The following LLCFC1 variants were observed in gnomAD, a reference collection of about 807,000 sequenced individuals.
LLCFC1 encodes the protein sperm-oocyte fusion factor 1, also known as sperm-egg fusion protein LLCFC1.
LLCFC1 carries 14 observed loss-of-function variants against 9.8 expected under a neutral mutation model. The ratio of observed to expected loss-of-function variants is 1.43; its 90% CI spans 0.95 to 2.24. LLCFC1 has a LOEUF of 2.24. LLCFC1 is among the 30% of genes most tolerant of loss of function. The probability of loss-of-function intolerance (pLI) is 0.00; values close to 1 mark genes in which losing one functional copy is unlikely to be tolerated. For synonymous variants in LLCFC1, 70 were observed against 58.8 expected, an observed-to-expected ratio of 1.19 and a Z score of -0.87; for missense variants, 162 against 148.0, an observed-to-expected ratio of 1.09 and a Z score of -0.49.
Position 142,939,549 on chromosome 7 carries a change from G to A in LLCFC1, c.-73G>A. 1 of 1,552,202 alleles carries A rather than the reference G, an allele frequency of 6.4e-7. No individual in the cohort carries two copies. Among genetic ancestry groups the A allele is most frequent in the Middle Eastern group, 1.7e-4 (1 of 5,752 alleles). On this transcript the variant is annotated 5_prime_UTR_variant, in exon 1 of 2. An upstream start codon of the reference 5' UTR is lost. Transcript: ENST00000409607. ...AAGGGTTAAGGGCCAGGACAGGAAT[G>A]GGGCAGGAGGTGCACGGATCCTGCT...
Position 142,940,868 on chromosome 7 carries a change from A to C in LLCFC1, c.*281A>C. 1 of 581,980 alleles carries C rather than the reference A, an allele frequency of 1.7e-6. No homozygotes were observed. Among genetic ancestry groups the C allele is most frequent in the Non-Finnish European group, 3.1e-6 (1 of 327,694 alleles). The allele number at this position is 581,980 out of a possible 1,614,324, so 36.1% of individuals were successfully genotyped here. A position where few individuals can be genotyped will look rare whatever the true frequency, so the allele number is the denominator to read the frequency against. ...AAATAACGATAAAATCCTGAGAACA[A>C]TTGGGAGCAGCTTTCCGATACTTAA... On this transcript the variant is annotated 3_prime_UTR_variant, in exon 2 of 2. Coordinates refer to ENST00000409607, the MANE Select transcript of LLCFC1 (RefSeq NM_001382496.1).
chr7:142,940,079 CTA>C (rs2116629095), intron 1 of LLCFC1, among the ~76,000 whole-genome samples: 1 of 149,954 alleles, frequency 6.7e-6, no homozygotes, highest in African/African-American at 2.4e-5. Context: ...TGTTGAAACC[CTA>C]GAGGAGGCAG....
At position 142,939,515 on chromosome 7, in the gene LLCFC1, G is replaced by C; in HGVS notation, c.-107G>C. 1 of 1,519,134 alleles carries C rather than the reference G, an allele frequency of 6.6e-7. No homozygotes were observed. The highest frequency in any genetic ancestry group is 8.8e-7 in the Non-Finnish European group (1 of 1,133,854). The allele number at this position is 1,519,134 out of a possible 1,614,324, so 94.1% of individuals were successfully genotyped here. ...CCTATGGAAGGTGAGGGGAGAAAAT[G>C]CCCCTGGAAAGGGTTAAGGGCCAGG... is the stretch of plus-strand genomic sequence containing the variant. On this transcript the variant is annotated 5_prime_UTR_variant, in exon 1 of 2. It removes an upstream start codon present in the reference 5' UTR. Coordinates refer to ENST00000409607, the MANE Select transcript of LLCFC1 (RefSeq NM_001382496.1).
intron 1 of LLCFC1, among the ~76,000 whole-genome samples, chr7:142,940,106 G>GGTGTGTGT (rs782240164): frequency 1.6e-4 from 20 of 128,924 alleles, no homozygotes; most frequent in Non-Finnish European, 2.6e-4. Flanking sequence ...CCTTAGGAAT[G>GGTGTGTGT]GTGTGTGTGT....
intron 1 of LLCFC1, 57 bp from the exon 2 acceptor site, chr7:142,940,292 TCTC>T (rs1562954494): frequency 1.4e-6 from 2 of 1,392,506 alleles, no homozygotes. Flanking sequence ...TATTCTAACT[TCTC>T]CTTTCTGGTT....
rs199962592 is a variant in LLCFC1, at chr7:142,939,504, G to A, written c.-118G>A. ...AAGTCAGAGGTCCTATGGAAGGTGAGGGGAGAAAATGCCCCTGGAAAGGGT... is the reference window on the plus strand; with the variant it reads ...AAGTCAGAGGTCCTATGGAAGGTGAAGGGAGAAAATGCCCCTGGAAAGGGT... On this transcript the variant is annotated 5_prime_UTR_variant, in exon 1 of 2. Coordinates refer to ENST00000409607, the MANE Select transcript of LLCFC1 (RefSeq NM_001382496.1). 4.3e-5 allele frequency: 65 copies of A among 1,506,754 alleles called. No homozygotes were observed. Among genetic ancestry groups the A allele is most frequent in the Non-Finnish European group, 5.3e-5 (60 of 1,125,122 alleles). The allele number at this position is 1,506,754 out of a possible 1,614,324, so 93.3% of individuals were successfully genotyped here.
chr7:142,939,550 G>T lies in LLCFC1; in HGVS notation c.-72G>T. 6.4e-7 allele frequency: 1 copy of T among 1,558,730 alleles called. No individual in the cohort carries two copies. ...AGGGTTAAGGGCCAGGACAGGAATG[G>T]GGCAGGAGGTGCACGGATCCTGCTG... is the stretch of plus-strand genomic sequence containing the variant. On this transcript the variant is annotated 5_prime_UTR_variant, in exon 1 of 2. Coordinates refer to ENST00000409607, the MANE Select transcript of LLCFC1 (RefSeq NM_001382496.1).
Position 142,939,636 on chromosome 7 carries a change from C to A in LLCFC1, c.15C>A (p.Ala5=). The part of the protein sequence containing the change: MPPL[A]PQLCRAVFLV... ...TGGGCAGGTCCATGCCTCCCCTGGCCCCCCAGCTCTGCAGGGCAGTGTTCC... is the reference window on the plus strand; with the variant it reads ...TGGGCAGGTCCATGCCTCCCCTGGCACCCCAGCTCTGCAGGGCAGTGTTCC... The change falls in exon 1 of 2, where the codon GCC becomes GCA. Residue 5 remains alanine, a synonymous_variant. Coordinates refer to ENST00000409607, the MANE Select transcript of LLCFC1 (RefSeq NM_001382496.1). 1 of 1,613,040 alleles carries A rather than the reference C, an allele frequency of 6.2e-7. No homozygotes were observed.
At position 142,940,798 on chromosome 7, in the gene LLCFC1, G is replaced by A; in HGVS notation, c.*211G>A. On this transcript the variant is annotated 3_prime_UTR_variant, in exon 2 of 2. Coordinates refer to ENST00000409607, the MANE Select transcript of LLCFC1 (RefSeq NM_001382496.1). Reference sequence around the variant, plus strand: ...ATCCTTCTCTCCCACACCTCTCCTGGTTTTGTTCAGGACAGCAGATTAGAG... The same window carrying A: ...ATCCTTCTCTCCCACACCTCTCCTGATTTTGTTCAGGACAGCAGATTAGAG... 4 of 605,440 alleles carry A rather than the reference G, an allele frequency of 6.6e-6. No homozygotes were observed. Among genetic ancestry groups the A allele is most frequent in the Non-Finnish European group, 1.2e-5 (4 of 341,248 alleles). 37.5% of individuals were successfully genotyped at this position (605,440 alleles called of 1,614,324 possible).
chr7:142,939,740 A>C lies in LLCFC1; in HGVS notation c.119A>C (p.Lys40Thr). The C allele has an allele frequency of 6.2e-7, 1 of 1,611,738 alleles. No homozygotes were observed. The highest frequency in any genetic ancestry group is 8.5e-7 in the Non-Finnish European group (1 of 1,179,284). ...PGPKDGSQTE[K>T]TPSADQNQEQ... ...CCCAAAGATGGGAGCCAGACAGAGA[A>C]AACGCCCTCTGCAGGTAGGTGGAAA... Residue 40 changes from lysine to threonine, a missense_variant, in exon 1 of 2, where the codon AAA becomes ACA. Physicochemically the swap from Lys to Thr is moderately conservative, Grantham distance 78 (BLOSUM62 -1). Transcript: ENST00000409607.
chr7:142,940,118 T>C (rs1041824695), intron 1 of LLCFC1, among the ~76,000 whole-genome samples: 1 of 115,912 alleles, frequency 8.6e-6, no homozygotes, highest in African/African-American at 3.3e-5. Flanking sequence ...TGTGTGTGTG[T>C]GTGTGTGTGT....
chr7:142,940,113 GTGTGTGT>G (rs1796307265), intron 1 of LLCFC1, among the ~76,000 whole-genome samples: 2 of 9,562 alleles, frequency 2.1e-4, no homozygotes, highest in African/African-American at 2.8e-4. Flanking sequence ...AATGGTGTGT[GTGTGTGT>G]GTGTGTGTGT....
In LLCFC1 at chr7:142,940,465, G is replaced by C; in HGVS notation, c.247G>C (p.Val83Leu). The stretch of plus-strand genomic sequence containing the variant: ...AGACCAGTCGTCCAAGACGGCAGCT[G>C]TTCACAAGCACTCTTTCCACCTCAG... ...EEDQSSKTAA[V>L]HKHSFHLSFC... Residue 83 changes from valine to leucine, a missense_variant, in exon 2 of 2, where the codon GTT becomes CTT. Coordinates refer to ENST00000409607, the MANE Select transcript of LLCFC1 (RefSeq NM_001382496.1). The C allele has an allele frequency of 1.9e-6, 3 of 1,614,118 alleles. No homozygotes were observed. The highest frequency in any genetic ancestry group is 2.5e-6 in the Non-Finnish European group (3 of 1,180,032).
At position 142,940,458 on chromosome 7, in the gene LLCFC1, G is replaced by C. The variant is rs1387721230; in HGVS notation, c.240G>C (p.Thr80=). The C allele has an allele frequency of 6.8e-6, 11 of 1,613,900 alleles. No homozygotes were observed. Among genetic ancestry groups the C allele is most frequent in the African/African-American group, 1.3e-5 (1 of 74,850 alleles). The change falls in exon 2 of 2, where the codon ACG becomes ACC. Residue 80 remains threonine, a synonymous_variant. Transcript: ENST00000409607. ...AGGAAGAAGACCAGTCGTCCAAGAC[G>C]GCAGCTGTTCACAAGCACTCTTTCC... ...AQQEEDQSSK[T]AAVHKHSFHL...
chr7:142,940,406 T>C lies in LLCFC1; in HGVS notation c.188T>C (p.Met63Thr). Residue 63 changes from methionine to threonine, a missense_variant, in exon 2 of 2, where the codon ATG becomes ACG. Met to Thr is a moderately conservative substitution (Grantham distance 81). Coordinates refer to ENST00000409607, the MANE Select transcript of LLCFC1 (RefSeq NM_001382496.1). ...EHFVASSVGE[M>T]WQVVDMAQQE... ...TTTGTGGCCTCCTCAGTGGGTGAGA[T>C]GTGGCAGGTGGTGGACATGGCCCAG... is the stretch of plus-strand genomic sequence containing the variant. The C allele has an allele frequency of 6.2e-7, 1 of 1,614,122 alleles. No individual in the cohort carries two copies. The highest frequency in any genetic ancestry group is 8.5e-7 in the Non-Finnish European group (1 of 1,180,028).
rs754608913 is a variant in LLCFC1, at chr7:142,940,388, C to T, written c.170C>T (p.Ala57Val). The stretch of plus-strand genomic sequence containing the variant: ...GAACAGTTCGAAGAGCACTTTGTGG[C>T]CTCCTCAGTGGGTGAGATGTGGCAG... ...NQEQFEEHFV[A>V]SSVGEMWQVV... The change falls in exon 2 of 2, where the codon GCC (alanine) becomes GTC (valine). Residue 57 changes from alanine to valine, a missense_variant. Physicochemically the swap from Ala to Val is moderately conservative, Grantham distance 64 (BLOSUM62 0). Coordinates refer to ENST00000409607, the MANE Select transcript of LLCFC1 (RefSeq NM_001382496.1). The T allele has an allele frequency of 2.5e-6, 4 of 1,614,168 alleles. No homozygotes were observed. Among genetic ancestry groups the T allele is most frequent in the Non-Finnish European group, 3.4e-6 (4 of 1,180,016 alleles).
intron 1 of LLCFC1, 117 bp from the exon 2 acceptor site, chr7:142,940,235 G>A: frequency 1.3e-6 from 1 of 767,752 alleles, no homozygotes. Context: ...GAAGGCTAAG[G>A]ATATGGGCAA....
At position 142,940,474 on chromosome 7, in the gene LLCFC1, C is replaced by G. The variant is rs766297058; in HGVS notation, c.256C>G (p.His86Asp). Residue 86 changes from histidine to aspartate, a missense_variant, in exon 2 of 2, where the codon CAC (histidine) becomes GAC (aspartate). Transcript: ENST00000409607. ...GTCCAAGACGGCAGCTGTTCACAAG[C>G]ACTCTTTCCACCTCAGCTTCTGCTT... The part of the protein sequence containing the change: ...QSSKTAAVHK[H>D]SFHLSFCFSL... 1.2e-6 allele frequency: 2 copies of G among 1,614,064 alleles called. No homozygotes were observed. The highest frequency in any genetic ancestry group is 2.7e-5 in the African/African-American group (2 of 74,922).
chr7:142,940,650 C>A lies in LLCFC1; in HGVS notation c.*63C>A, dbSNP rs1381993734. 4 of 1,293,618 alleles carry A rather than the reference C, an allele frequency of 3.1e-6. No individual in the cohort carries two copies. Among genetic ancestry groups the A allele is most frequent in the Non-Finnish European group, 3.3e-6 (3 of 896,026 alleles). 80.1% of individuals were successfully genotyped at this position (1,293,618 alleles called of 1,614,324 possible). On this transcript the variant is annotated 3_prime_UTR_variant, in exon 2 of 2. Coordinates refer to ENST00000409607, the MANE Select transcript of LLCFC1 (RefSeq NM_001382496.1). ...AAGGAGATGCAGGCATGGCTCTCTG[C>A]CTCTGATCACCATCACTGTATCTCA...
Sources: gnomAD v4.1 joint callset for allele counts (sites outside exome capture counted in the v4.1 genomes callset) on GRCh38, gnomAD v4.1.1 for gene constraint, MANE v1.5 for transcripts, NCBI Gene and HGNC (gene_info 2026-07-23, HGNC 2026-07-21) for gene names.